The following USH2A variants were observed in gnomAD, a reference collection of about 807,000 sequenced individuals.
USH2A encodes the protein Usher syndrome 2A (autosomal recessive, mild).
USH2A carries 443 observed loss-of-function variants against 538.9 expected under a neutral mutation model. That is an observed-to-expected ratio of 0.82 (90% confidence interval 0.76 to 0.89). USH2A has a LOEUF of 0.89. Among genes scored for constraint, USH2A ranks in the 40% least tolerant of loss-of-function variants. The pLI, the probability that USH2A is intolerant of heterozygous loss-of-function variation, is 0.00. For synonymous variants in USH2A, 2,413 were observed against 2,273.5 expected, an observed-to-expected ratio of 1.06 and a Z score of -1.75; for missense variants, 6,633 against 6,324.8, an observed-to-expected ratio of 1.05 and a Z score of -1.65.
chr1:215,847,998 C>A (rs1056475416), intron 44 of USH2A, among the ~76,000 whole-genome samples: 6 of 152,096 alleles, frequency 3.9e-5, no homozygotes, highest in African/African-American at 1.4e-4. Context: ...TTGGAAAATT[C>A]TGGGTTTTGC....
At chr1:216,395,780 C>CAG (rs1366643012) in intron 3 of USH2A, among the ~76,000 whole-genome samples, 1 of 152,134 alleles carries the variant, frequency 6.6e-6, no homozygotes, top group African/African-American at 2.4e-5. Flanking sequence ...GGGTAGAGAC[C>CAG]AGAGATTCTT....
chr1:216,344,115 CTA>C, intron 4 of USH2A, among the ~76,000 whole-genome samples: 1 of 152,096 alleles, frequency 6.6e-6, no homozygotes, highest in Middle Eastern at 3.4e-3. Flanking sequence ...AGATTTAAAA[CTA>C]TGAAATGTGC....
At position 216,292,540 on chromosome 1, in the gene USH2A, C is replaced by T. The variant is rs12097757; in HGVS notation, c.1645-170G>A. Among the ~76,000 whole-genome samples the T allele has an allele frequency of 0.047, 7,176 of 152,162 alleles. 536 individuals carry two copies. Among genetic ancestry groups the T allele is most frequent in the African/African-American group, 0.16 (6,578 of 41,470 alleles). ...AAGTCAGAAATAGCATATTTACGGG[C>T]ATGGTAGGGTGGAATTGTAAAAGTG... On this transcript the variant is annotated intron_variant, in intron 9 of 71. Coordinates refer to ENST00000307340, the MANE Select transcript of USH2A (RefSeq NM_206933.4).
chr1:216,369,920 CAAAAAAA>C (rs71161416), intron 3 of USH2A, among the ~76,000 whole-genome samples: 140 of 127,352 alleles, frequency 1.1e-3, no homozygotes, highest in East Asian at 5.2e-3. Context: ...GAGACTCTGC[CAAAAAAA>C]AAAAAAAAAA....
At chr1:216,299,250 G>A (rs1381942894) in intron 9 of USH2A, among the ~76,000 whole-genome samples, 1 of 150,854 alleles carries the variant, frequency 6.6e-6, no homozygotes, top group Admixed American at 6.6e-5. Context: ...CAAGAGAGTG[G>A]TTTAAGATGT....
At chr1:216,251,216 G>C in intron 11 of USH2A, 118 bp from the exon 12 acceptor site, 1 of 1,001,880 alleles carries the variant, frequency 1.0e-6, no homozygotes, top group South Asian at 1.4e-5. Context: ...CAGACAAGAA[G>C]GTAATAAGAT....
At chr1:216,019,524 C>A (rs1004592162) in intron 32 of USH2A, among the ~76,000 whole-genome samples, 1 of 152,096 alleles carries the variant, frequency 6.6e-6, no homozygotes, top group African/African-American at 2.4e-5. Flanking sequence ...AATAGTTGCC[C>A]TCATTGGATC....
At chr1:215,954,226 G>A (rs1194021349) in intron 37 of USH2A, among the ~76,000 whole-genome samples, 33 of 152,064 alleles carry the variant, frequency 2.2e-4, no homozygotes, top group African/African-American at 7.5e-4. Flanking sequence ...ATATACCCAA[G>A]GGATTATAAA....
At chr1:216,149,058 A>T (rs2033773567) in intron 21 of USH2A, among the ~76,000 whole-genome samples, 1 of 149,518 alleles carries the variant, frequency 6.7e-6, no homozygotes, top group South Asian at 2.1e-4. Flanking sequence ...CACCTTCTAC[A>T]GAACAACTCC....
Position 216,324,250 on chromosome 1 carries a change from C to G in USH2A, c.1246G>C (p.Ala416Pro). Reference sequence around the variant, plus strand: ...ATTCCAAAAGCACCACAATTCCTGGCAAAATATTGCCAGTCCTCCCAATCT... The same window carrying G: ...ATTCCAAAAGCACCACAATTCCTGGGAAAATATTGCCAGTCCTCCCAATCT... ...SLDWEDWQYF[A>P]RNCGAFGMKN... Residue 416 changes from alanine to proline, a missense_variant, in exon 7 of 72, where the codon GCC becomes CCC. By Grantham distance (27) the Ala-to-Pro change is conservative. Transcript: ENST00000307340. 1 of 1,613,366 alleles carries G rather than the reference C, an allele frequency of 6.2e-7. No individual in the cohort carries two copies. Among genetic ancestry groups the G allele is most frequent in the Non-Finnish European group, 8.5e-7 (1 of 1,179,700 alleles).
At chr1:216,217,235 T>G (rs2035360090) in intron 15 of USH2A, 152 bp downstream of exon 15, 1 of 862,714 alleles carries the variant, frequency 1.2e-6, no homozygotes, top group East Asian at 2.7e-5. Flanking sequence ...CAGACATATT[T>G]CATTCAGTGT....
intron 3 of USH2A, among the ~76,000 whole-genome samples, chr1:216,394,271 T>G (rs1331796525): frequency 6.6e-6 from 1 of 150,744 alleles, no homozygotes; most frequent in Non-Finnish European, 1.5e-5. Flanking sequence ...TCTGTCAACT[T>G]CTGAGAAACT....
chr1:215,957,951 G>A (rs139866579), intron 37 of USH2A, among the ~76,000 whole-genome samples: 1 of 152,070 alleles, frequency 6.6e-6, no homozygotes, highest in East Asian at 1.9e-4. Flanking sequence ...TACTGCATGG[G>A]TTGCAAGCAC....
intron 42 of USH2A, 89 bp downstream of exon 42, chr1:215,878,675 C>T: frequency 1.5e-6 from 2 of 1,336,814 alleles, no homozygotes; most frequent in Non-Finnish European, 2.1e-6. Flanking sequence ...GTTCTATGTT[C>T]ATATAGGAAT....
intron 3 of USH2A, among the ~76,000 whole-genome samples, chr1:216,385,945 A>G (rs1416245532): frequency 6.6e-6 from 1 of 152,216 alleles, no homozygotes; most frequent in Non-Finnish European, 1.5e-5. Flanking sequence ...TTATAATCCA[A>G]GAAGCACTAT....
At chr1:215,856,926 T>C (rs556341773) in intron 44 of USH2A, among the ~76,000 whole-genome samples, 1 of 151,762 alleles carries the variant, frequency 6.6e-6, no homozygotes, top group African/African-American at 2.4e-5. Flanking sequence ...GAAACCTTGA[T>C]GGAACTGGAG....
intron 47 of USH2A, among the ~76,000 whole-genome samples, chr1:215,835,956 A>G (rs1240973116): frequency 3.3e-5 from 5 of 152,056 alleles, no homozygotes; most frequent in Non-Finnish European, 7.4e-5. Context: ...ATGTATTTGG[A>G]TACAAGCAAT....
intron 23 of USH2A, among the ~76,000 whole-genome samples, chr1:216,087,863 C>T (rs2032183890): frequency 6.6e-6 from 1 of 152,156 alleles, no homozygotes; most frequent in African/African-American, 2.4e-5. Flanking sequence ...TGCCTTCACC[C>T]TCATTCCCCT....
chr1:216,073,611 T>A (rs1208437041), intron 27 of USH2A, among the ~76,000 whole-genome samples: 1 of 152,222 alleles, frequency 6.6e-6, no homozygotes, highest in African/African-American at 2.4e-5. Flanking sequence ...TCCCATAAAA[T>A]AAAATTTAGG....
Sources: allele counts gnomAD v4.1 joint callset (sites outside exome capture counted in the v4.1 genomes callset), GRCh38; gene constraint gnomAD v4.1.1; transcripts MANE v1.5; gene names NCBI Gene and HGNC (gene_info 2026-07-23, HGNC 2026-07-21).